The following ZFAT variants were observed in gnomAD, a reference collection of about 807,000 sequenced individuals.
The protein encoded by ZFAT is zinc finger protein ZFAT.
A neutral mutation model predicts 117.7 loss-of-function variants in ZFAT; 64 were observed. That is an observed-to-expected ratio of 0.54 (90% CI 0.44 to 0.67). The LOEUF (loss-of-function observed/expected upper bound fraction) is 0.67, where lower values mean the gene tolerates loss of function less well. ZFAT is among the 30% of genes least tolerant of loss of function. The probability of loss-of-function intolerance (pLI) is 0.00; values close to 1 mark genes in which losing one functional copy is unlikely to be tolerated. For synonymous variants in ZFAT, 679 were observed against 615.0 expected, an observed-to-expected ratio of 1.10 and a Z score of -1.54; for missense variants, 1,433 against 1,584.5, an observed-to-expected ratio of 0.90 and a Z score of 1.62.
At chr8:134,735,543 C>T in the ZFAT span, among the ~76,000 whole-genome samples, 2 of 152,302 alleles carry the variant, frequency 1.3e-5, no homozygotes, top group South Asian at 2.1e-4. Flanking sequence ...AACAGCAGTT[C>T]CAACTGGCTT....
the ZFAT span, among the ~76,000 whole-genome samples, chr8:134,740,042 T>G: frequency 2.1e-3 from 327 of 152,366 alleles, no homozygotes; most frequent in African/African-American, 7.3e-3. Context: ...CAAGTGTCAG[T>G]TGTCTACCAG....
At chr8:134,513,222 G>A (rs9285634) in intron 13 of ZFAT, among the ~76,000 whole-genome samples, 13,027 of 141,506 alleles carry the variant, frequency 0.092, 862 homozygotes, top group African/African-American at 0.2. Context: ...TTTTGAGACA[G>A]AGTCTCGCTC....
At chr8:134,526,996 T>A (rs181303930) in intron 12 of ZFAT, among the ~76,000 whole-genome samples, 37 of 152,238 alleles carry the variant, frequency 2.4e-4, no homozygotes, top group African/African-American at 7.9e-4. Flanking sequence ...GCAAAAACGA[T>A]GTGATTCAGT....
chr8:134,602,231 C>G lies in ZFAT; in HGVS notation c.1488G>C (p.Gln496His). Reference protein sequence around the residue: ...EALVFTSSINQSFCLLEPGGD... With the variant: ...EALVFTSSINHSFCLLEPGGD... Reference sequence around the variant, plus strand: ...CACCAGGTTCCAGGAGGCAGAAGCTCTGGTTGATGGAACTGGTGAAGACCA... The same window carrying G: ...CACCAGGTTCCAGGAGGCAGAAGCTGTGGTTGATGGAACTGGTGAAGACCA... Residue 496 changes from glutamine (Q) to histidine (H), a missense_variant, in exon 6 of 16, where the codon CAG becomes CAC. Coordinates refer to ENST00000377838, the MANE Select transcript of ZFAT (RefSeq NM_020863.4). 1 of 1,613,724 alleles carries G rather than the reference C, an allele frequency of 6.2e-7. No homozygotes were observed. Among genetic ancestry groups the G allele is most frequent in the South Asian group, 1.1e-5 (1 of 91,088 alleles).
the ZFAT span, among the ~76,000 whole-genome samples, chr8:134,828,203 T>C: frequency 6.6e-6 from 1 of 152,218 alleles, no homozygotes; most frequent in African/African-American, 2.4e-5. Context: ...TCTTCATTTT[T>C]ACTCATTTGT....
chr8:134,710,511 C>T (rs1009487567), intron 1 of ZFAT, among the ~76,000 whole-genome samples: 5 of 152,318 alleles, frequency 3.3e-5, no homozygotes, highest in South Asian at 4.1e-4. Context: ...TCCAGCATAG[C>T]GCATGTATCT....
Position 134,608,822 on chromosome 8 carries a change from G to C in ZFAT, c.692C>G (p.Ser231Cys), listed in dbSNP as rs1280380201. The C allele has an allele frequency of 5.6e-6, 9 of 1,609,932 alleles. No individual in the cohort carries two copies. Among genetic ancestry groups the C allele is most frequent in the Non-Finnish European group, 7.6e-6 (9 of 1,178,386 alleles). ...CACCAGGTCTGCTGAAGTGGTCTCA[G>C]AATTTGTAGCTCCTGTTTCAGGGGG... ...AGPPETGATN[S>C]ETTSADLVPR... Residue 231 changes from serine (S) to cysteine (C), a missense_variant, in exon 5 of 16, where the codon TCT becomes TGT. By Grantham distance (112) the Ser-to-Cys change is moderately radical. This residue lies in a region of ZFAT where 436 missense variants were observed against 482.0 expected (regional missense o/e 0.90). Transcript: ENST00000377838.
chr8:134,810,954 C>T, the ZFAT span, among the ~76,000 whole-genome samples: 1 of 151,788 alleles, frequency 6.6e-6, no homozygotes, highest in Non-Finnish European at 1.5e-5. Context: ...ATCAGTAACA[C>T]TAGCTAGCAC....
chr8:134,485,061 G>T (rs1817572194), intron 15 of ZFAT, among the ~76,000 whole-genome samples: 1 of 152,182 alleles, frequency 6.6e-6, no homozygotes, highest in Non-Finnish European at 1.5e-5. Flanking sequence ...TTGTGGGTCA[G>T]GTGCTGTGTG....
intron 12 of ZFAT, among the ~76,000 whole-genome samples, chr8:134,526,963 A>G (rs1195102507): frequency 6.6e-6 from 1 of 152,160 alleles, no homozygotes; most frequent in Non-Finnish European, 1.5e-5. Context: ...TCCCCAGAAC[A>G]TGTGAACATG....
At chr8:134,695,886 C>T (rs1231431803) in intron 1 of ZFAT, among the ~76,000 whole-genome samples, 6 of 150,912 alleles carry the variant, frequency 4.0e-5, no homozygotes, top group African/African-American at 1.5e-4. Context: ...GGTACCACCA[C>T]CCCCAGGCCC....
Position 134,581,595 on chromosome 8 carries a change from G to T in ZFAT, c.2887+2237C>A, listed in dbSNP as rs866775914. Among the ~76,000 whole-genome samples the T allele has an allele frequency of 4.6e-5, 7 of 152,020 alleles. No individual in the cohort carries two copies. The South Asian group carries it at 1.5e-3, about 32-fold the overall frequency. ...TGATGCCTTTCTTTTTTTTGGCAGGGGGGGTGTAGGGAATGGGTCTCACTC... is the reference window on the plus strand; with the variant it reads ...TGATGCCTTTCTTTTTTTTGGCAGGTGGGGTGTAGGGAATGGGTCTCACTC... On this transcript the variant is annotated intron_variant, in intron 10 of 15. Transcript: ENST00000377838.
intron 1 of ZFAT, among the ~76,000 whole-genome samples, chr8:134,707,516 C>G (rs1475183681): frequency 6.6e-6 from 1 of 152,146 alleles, no homozygotes; most frequent in Non-Finnish European, 1.5e-5. Context: ...AGCAGGGACA[C>G]AAGGAGAATA....
chr8:134,661,048 C>T (rs898974969), intron 1 of ZFAT, among the ~76,000 whole-genome samples: 3 of 152,248 alleles, frequency 2.0e-5, no homozygotes, highest in African/African-American at 7.2e-5. Flanking sequence ...ACGATTCTCA[C>T]ATCACAGAAG....
chr8:134,560,538 G>T (rs1412900005), intron 11 of ZFAT, among the ~76,000 whole-genome samples: 1 of 152,226 alleles, frequency 6.6e-6, no homozygotes, highest in African/African-American at 2.4e-5. Flanking sequence ...TATCAACAGA[G>T]TTAGGGGTCC....
At chr8:134,640,494 C>T (rs1278925203) in intron 2 of ZFAT, among the ~76,000 whole-genome samples, 2 of 152,178 alleles carry the variant, frequency 1.3e-5, no homozygotes, top group Admixed American at 1.3e-4. Flanking sequence ...CAGCAGACAT[C>T]GTGAGTCTCC....
chr8:134,745,020 G>A, the ZFAT span, among the ~76,000 whole-genome samples: 10 of 149,302 alleles, frequency 6.7e-5, no homozygotes, highest in African/African-American at 2.2e-4. Flanking sequence ...TAGCCACCGC[G>A]CCCGGCCAGG....
At chr8:134,572,007 C>T (rs1824948669) in intron 10 of ZFAT, among the ~76,000 whole-genome samples, 1 of 152,058 alleles carries the variant, frequency 6.6e-6, no homozygotes, top group African/African-American at 2.4e-5. Flanking sequence ...AGTTTACATG[C>T]AAGAAAGAAG....
chr8:134,565,049 A>G, intron 11 of ZFAT: 1 of 1,395,534 alleles, frequency 7.2e-7, no homozygotes. Context: ...GCCTTCCTCT[A>G]AATCACTCCA....
Sources: allele counts gnomAD v4.1 joint callset (sites outside exome capture counted in the v4.1 genomes callset), GRCh38; gene constraint gnomAD v4.1.1; regional missense constraint gnomAD v4.1.1; transcripts MANE v1.5; gene names NCBI Gene and HGNC (gene_info 2026-07-23, HGNC 2026-07-21).